The following SOX5 variants were observed in gnomAD, a reference collection of about 807,000 sequenced individuals.
SOX5 encodes the protein transcription factor SOX-5.
A neutral mutation model predicts 92.0 loss-of-function variants in SOX5; 9 were observed. The observed-to-expected ratio is 0.10, with a 90% CI of 0.06 to 0.17. SOX5 has a LOEUF of 0.17. Ranked by LOEUF, SOX5 falls within the 10% of genes least tolerant of loss-of-function variation. The probability of loss-of-function intolerance (pLI) is 1.00; values close to 1 mark genes in which losing one functional copy is unlikely to be tolerated. For missense variants in SOX5, 642 were observed against 944.5 expected, an observed-to-expected ratio of 0.68 and a Z score of 4.20; for synonymous variants, 344 against 336.3, an observed-to-expected ratio of 1.02 and a Z score of -0.25.
Position 23,869,986 on chromosome 12 carries a change from G to A in SOX5, c.271-23793C>T, listed in dbSNP as rs1311300854. Among the ~76,000 whole-genome samples, 5 of 151,996 alleles carry A rather than the reference G, an allele frequency of 3.3e-5. No homozygotes were observed. The East Asian group carries it at 9.6e-4, about 29-fold the overall frequency. ...TGAAATCCAATATATTTTATACATA[G>A]CAGATATTAAATATTAGCTTAATTA... On this transcript the variant is annotated intron_variant, in intron 2 of 14. Transcript: ENST00000451604.
At chr12:23,580,202 T>TAA (rs1949846352) in intron 9 of SOX5, among the ~76,000 whole-genome samples, 1 of 152,030 alleles carries the variant, frequency 6.6e-6, no homozygotes, top group Non-Finnish European at 1.5e-5. Context: ...AAGTAAGGCT[T>TAA]AGAAAGTTCT....
chr12:24,241,571 G>A (rs1030898288), intron 3 of SOX5, among the ~76,000 whole-genome samples: 1 of 151,490 alleles, frequency 6.6e-6, no homozygotes. Flanking sequence ...GCTGTACAAG[G>A]TATGCTCTGC....
chr12:23,655,638 C>T (rs1211775643), intron 7 of SOX5, among the ~76,000 whole-genome samples: 5 of 152,080 alleles, frequency 3.3e-5, no homozygotes, highest in Admixed American at 2.0e-4. Context: ...TTTTGGCAGA[C>T]ATCGTATACC....
chr12:24,255,442 C>T (rs956913716), intron 3 of SOX5, among the ~76,000 whole-genome samples: 4 of 152,156 alleles, frequency 2.6e-5, no homozygotes, highest in Admixed American at 1.3e-4. Context: ...TTAAGTACTA[C>T]TCTATGGCTG....
intron 2 of SOX5, among the ~76,000 whole-genome samples, chr12:24,333,061 A>T (rs1261479308): frequency 6.6e-6 from 1 of 152,120 alleles, no homozygotes; most frequent in Non-Finnish European, 1.5e-5. Flanking sequence ...ACAATATTAG[A>T]AAAAACAAAT....
chr12:23,886,297 A>C (rs1416260911), intron 2 of SOX5, among the ~76,000 whole-genome samples: 1 of 152,310 alleles, frequency 6.6e-6, no homozygotes. Flanking sequence ...GTTATTTTTA[A>C]GACTTGACTT....
chr12:23,930,892 G>C (rs1033293370), intron 1 of SOX5, among the ~76,000 whole-genome samples: 3 of 151,620 alleles, frequency 2.0e-5, no homozygotes, highest in Non-Finnish European at 3.0e-5. Context: ...TCCTCAGAAA[G>C]ACCCTCTCTA....
intron 2 of SOX5, among the ~76,000 whole-genome samples, chr12:24,330,800 T>C (rs1476051817): frequency 4.6e-5 from 7 of 152,224 alleles, no homozygotes; most frequent in Non-Finnish European, 8.8e-5. Flanking sequence ...ATTGGAGTTA[T>C]CGCCTCTGAA....
chr12:24,497,404 G>A (rs1372068176), intron 1 of SOX5, among the ~76,000 whole-genome samples: 1 of 152,140 alleles, frequency 6.6e-6, no homozygotes, highest in Non-Finnish European at 1.5e-5. Context: ...GGATTTTAGA[G>A]CCAGACAGAA....
intron 6 of SOX5, among the ~76,000 whole-genome samples, chr12:23,700,693 G>A (rs768843254): frequency 1.3e-5 from 2 of 151,986 alleles, no homozygotes; most frequent in Admixed American, 6.6e-5. Context: ...ATAAAGTAGA[G>A]AATGGGTTAA....
intron 3 of SOX5, among the ~76,000 whole-genome samples, chr12:24,251,353 T>C (rs1939996926): frequency 1.3e-5 from 2 of 152,200 alleles, no homozygotes. Flanking sequence ...AGATTCAGCA[T>C]GGCAGGAAGT....
At chr12:23,564,897 G>A (rs1253939810) in intron 10 of SOX5, among the ~76,000 whole-genome samples, 2 of 152,176 alleles carry the variant, frequency 1.3e-5, no homozygotes, top group Non-Finnish European at 2.9e-5. Context: ...TTCTATTGAA[G>A]AAACCGATGT....
chr12:24,271,828 CCATGCA>C (rs1392456299), intron 3 of SOX5, among the ~76,000 whole-genome samples: 1 of 152,152 alleles, frequency 6.6e-6, no homozygotes, highest in African/African-American at 2.4e-5. Flanking sequence ...ACTTGTCTAT[CCATGCA>C]GGAATGCCAT....
chr12:23,590,712 G>A (rs1951414873), intron 9 of SOX5, among the ~76,000 whole-genome samples: 1 of 151,982 alleles, frequency 6.6e-6, no homozygotes, highest in Non-Finnish European at 1.5e-5. Context: ...TATTAGAGGT[G>A]CTCAAAAGGT....
chr12:24,544,258 G>A (rs3110018), intron 1 of SOX5, among the ~76,000 whole-genome samples: 104,945 of 152,058 alleles, frequency 0.69, 37,692 homozygotes, highest in Non-Finnish European at 0.8. Flanking sequence ...GTTTTACCAG[G>A]AAAGTGCTTA....
intron 3 of SOX5, among the ~76,000 whole-genome samples, chr12:23,772,445 T>C (rs1315990321): frequency 1.3e-5 from 2 of 152,214 alleles, no homozygotes; most frequent in African/African-American, 4.8e-5. Flanking sequence ...GGAAAATCAC[T>C]TACATCTTCT....
intron 2 of SOX5, among the ~76,000 whole-genome samples, chr12:24,331,717 A>G (rs1010572621): frequency 1.3e-5 from 2 of 151,792 alleles, no homozygotes; most frequent in African/African-American, 2.4e-5. Context: ...GTGTGGTGGC[A>G]CGTGCCTGTA....
At chr12:24,257,307 A>G (rs1941352616) in intron 3 of SOX5, among the ~76,000 whole-genome samples, 1 of 152,228 alleles carries the variant, frequency 6.6e-6, no homozygotes, top group South Asian at 2.1e-4. Context: ...CAGAAATAAT[A>G]TCTTCCTACA....
chr12:24,233,218 G>T (rs981475055), intron 3 of SOX5, among the ~76,000 whole-genome samples: 2 of 152,044 alleles, frequency 1.3e-5, no homozygotes, highest in Non-Finnish European at 2.9e-5. Context: ...TTAAATAAAT[G>T]CAAGAAAAAT....
Sources: allele counts gnomAD v4.1 joint callset (sites outside exome capture counted in the v4.1 genomes callset), GRCh38; gene constraint gnomAD v4.1.1; transcripts MANE v1.5; gene names NCBI Gene and HGNC (gene_info 2026-07-23, HGNC 2026-07-21).